Variants in CSMD1 observed in about 807,000 individuals in gnomAD.
CSMD1 encodes CUB and sushi domain-containing protein 1.
A neutral mutation model predicts 417.5 loss-of-function variants in CSMD1; 213 were observed. That is an observed-to-expected ratio of 0.51 (90% CI 0.46 to 0.57). The LOEUF (loss-of-function observed/expected upper bound fraction) is 0.57. Ranked by LOEUF, CSMD1 falls within the 20% of genes least tolerant of loss-of-function variation. The pLI is 0.00. For synonymous variants in CSMD1, 2,862 were observed against 1,736.8 expected (o/e 1.65, Z -16.11); for missense variants, 6,923 against 4,529.7 (o/e 1.53, Z -15.17).
intron 6 of CSMD1, among the ~76,000 whole-genome samples, chr8:3,719,709 C>T (rs894249682): frequency 3.3e-5 from 5 of 152,130 alleles, no homozygotes; most frequent in African/African-American, 1.2e-4. Context: ...CTGTAGCCCC[C>T]ATACCAGCCA....
At chr8:2,976,904 C>T (rs1026121570) in intron 55 of CSMD1, among the ~76,000 whole-genome samples, 1 of 151,812 alleles carries the variant, frequency 6.6e-6, no homozygotes, top group Non-Finnish European at 1.5e-5. Context: ...CTAAAATACA[C>T]TGACAATAAA....
chr8:3,355,190 T>A (rs1808701211), intron 21 of CSMD1, among the ~76,000 whole-genome samples: 1 of 151,694 alleles, frequency 6.6e-6, no homozygotes, highest in African/African-American at 2.4e-5. Flanking sequence ...CTCACTTTCA[T>A]TCATTTTTTA....
chr8:4,773,720 G>A lies in CSMD1; in HGVS notation c.86-136162C>T, dbSNP rs535652953. ...GCTAGTGTATAAGCACCACTCTTATGATGAACATTACCCATTTCCCTTAAA... is the reference window on the plus strand; with the variant it reads ...GCTAGTGTATAAGCACCACTCTTATAATGAACATTACCCATTTCCCTTAAA... On this transcript the variant is annotated intron_variant, in intron 1 of 69. Transcript: ENST00000635120. 9.7e-4 allele frequency among the ~76,000 whole-genome samples: 147 copies of A among 152,242 alleles called. 4 individuals carry two copies. The South Asian group carries it at 0.028, about 29-fold the overall frequency.
At chr8:3,121,504 G>C (rs1477433319) in intron 41 of CSMD1, among the ~76,000 whole-genome samples, 1 of 152,190 alleles carries the variant, frequency 6.6e-6, no homozygotes, top group African/African-American at 2.4e-5. Context: ...GAGCGGGAGA[G>C]GAGGAAACTT....
intron 3 of CSMD1, among the ~76,000 whole-genome samples, chr8:4,234,889 C>CA (rs1264288501): frequency 1.3e-5 from 2 of 152,012 alleles, no homozygotes; most frequent in African/African-American, 4.8e-5. Context: ...GGTGTGTGAA[C>CA]AAAAAACAGA....
chr8:4,824,014 A>T (rs1799667870), intron 1 of CSMD1, among the ~76,000 whole-genome samples: 1 of 151,920 alleles, frequency 6.6e-6, no homozygotes, highest in African/African-American at 2.4e-5. Context: ...GGACACACAC[A>T]TACATGCACA....
chr8:3,206,130 G>C (rs1797239202), intron 30 of CSMD1, among the ~76,000 whole-genome samples: 1 of 151,928 alleles, frequency 6.6e-6, no homozygotes, highest in Admixed American at 6.6e-5. Context: ...AATTACTAAT[G>C]CTTTTGGGGT....
chr8:3,782,516 G>A (rs1435731030), intron 5 of CSMD1, among the ~76,000 whole-genome samples: 1 of 152,174 alleles, frequency 6.6e-6, no homozygotes, highest in Non-Finnish European at 1.5e-5. Context: ...GGCTGGGGGA[G>A]GGATAGCATG....
intron 2 of CSMD1, among the ~76,000 whole-genome samples, chr8:4,544,520 T>C (rs915918111): frequency 6.6e-6 from 1 of 152,246 alleles, no homozygotes; most frequent in Non-Finnish European, 1.5e-5. Context: ...TGGGATCCAC[T>C]GCTGACTTTT....
chr8:3,893,363 T>TATATATATATATATATATA (rs1563185043), intron 5 of CSMD1, among the ~76,000 whole-genome samples: 8 of 28,820 alleles, frequency 2.8e-4, no homozygotes, highest in African/African-American at 5.4e-4. Flanking sequence ...ATATATATAT[T>TATATATATATATATATATA]ATTTTTTTTC....
At chr8:4,837,194 A>C (rs1800545890) in intron 1 of CSMD1, among the ~76,000 whole-genome samples, 1 of 152,178 alleles carries the variant, frequency 6.6e-6, no homozygotes, top group Admixed American at 6.5e-5. Context: ...AGAAAAGGAA[A>C]CCATTACATA....
intron 2 of CSMD1, among the ~76,000 whole-genome samples, chr8:4,470,169 C>G (rs143347938): frequency 0.016 from 2,398 of 152,158 alleles, 36 homozygotes; most frequent in Non-Finnish European, 0.026. Flanking sequence ...TTTTCATAAC[C>G]TCATCTATTC....
chr8:3,749,956 T>A (rs117975308), intron 6 of CSMD1, among the ~76,000 whole-genome samples: 2,376 of 152,284 alleles, frequency 0.016, 28 homozygotes, highest in Middle Eastern at 0.044. Flanking sequence ...TTTCTTATGT[T>A]CAGCTTGATG....
intron 1 of CSMD1, among the ~76,000 whole-genome samples, chr8:4,731,888 C>T (rs1357498023): frequency 6.6e-6 from 1 of 152,072 alleles, no homozygotes; most frequent in African/African-American, 2.4e-5. Context: ...CTAACTGTCT[C>T]TTCTAATATT....
intron 5 of CSMD1, among the ~76,000 whole-genome samples, chr8:3,812,733 C>A (rs1327124274): frequency 6.6e-6 from 1 of 152,136 alleles, no homozygotes. Flanking sequence ...CCACAAACAC[C>A]ACATCTCCCC....
intron 13 of CSMD1, among the ~76,000 whole-genome samples, chr8:3,408,912 T>G (rs1273678692): frequency 6.6e-6 from 1 of 152,158 alleles, no homozygotes; most frequent in Non-Finnish European, 1.5e-5. Context: ...TATAGTTATT[T>G]ACAAATAAAA....
intron 3 of CSMD1, among the ~76,000 whole-genome samples, chr8:4,059,685 A>G (rs1279885532): frequency 6.6e-6 from 1 of 152,234 alleles, no homozygotes; most frequent in Non-Finnish European, 1.5e-5. Flanking sequence ...ATAAACTAGA[A>G]AATCTAGAAG....
chr8:3,810,419 C>G (rs1208202007), intron 5 of CSMD1, among the ~76,000 whole-genome samples: 1 of 152,082 alleles, frequency 6.6e-6, no homozygotes, highest in Admixed American at 6.5e-5. Context: ...CAAGTGTTTT[C>G]TTGTTAAGAA....
chr8:3,645,322 T>G (rs2117343702), intron 7 of CSMD1, among the ~76,000 whole-genome samples: 1 of 152,296 alleles, frequency 6.6e-6, no homozygotes, highest in East Asian at 1.9e-4. Context: ...GCAGCTGCAA[T>G]TAAAACCTTC....
Sources: gnomAD v4.1 joint callset for allele counts (sites outside exome capture counted in the v4.1 genomes callset) on GRCh38, gnomAD v4.1.1 for gene constraint, MANE v1.5 for transcripts, NCBI Gene and HGNC (gene_info 2026-07-23, HGNC 2026-07-21) for gene names.